The following LRRC4C variants were observed in gnomAD, a reference collection of about 807,000 sequenced individuals.
LRRC4C encodes leucine rich repeat containing 4C.
Under a neutral mutation model 33.6 loss-of-function variants are expected in LRRC4C, and 5 were observed. The ratio of observed to expected loss-of-function variants is 0.15; its 90% confidence interval spans 0.08 to 0.31. The LOEUF is 0.31. Among genes scored for constraint, LRRC4C ranks in the 10% least tolerant of loss-of-function variants. The probability of loss-of-function intolerance (pLI) is 1.00; values close to 1 mark genes in which losing one functional copy is unlikely to be tolerated. For synonymous variants in LRRC4C, 329 were observed against 302.0 expected (o/e 1.09, Z -0.93); for missense variants, 560 against 796.7 (o/e 0.70, Z 3.58).
intron 5 of LRRC4C, among the ~76,000 whole-genome samples, chr11:40,155,856 C>G (rs111309277): frequency 0.011 from 1,629 of 152,212 alleles, 21 homozygotes; most frequent in African/African-American, 0.037. Flanking sequence ...TTCTATGAAG[C>G]CAGCATCACC....
intron 1 of LRRC4C, among the ~76,000 whole-genome samples, chr11:40,989,078 T>C (rs1853311714): frequency 6.6e-6 from 1 of 152,134 alleles, no homozygotes; most frequent in African/African-American, 2.4e-5. Context: ...TTTGAACATA[T>C]CACTCTTTTC....
intron 5 of LRRC4C, among the ~76,000 whole-genome samples, chr11:40,144,377 AC>A (rs1196863057): frequency 6.6e-6 from 1 of 152,182 alleles, no homozygotes; most frequent in Non-Finnish European, 1.5e-5. Context: ...CGAAACACTT[AC>A]AAATGGCTAA....
chr11:40,938,521 C>A (rs1958008066), intron 1 of LRRC4C, among the ~76,000 whole-genome samples: 1 of 152,052 alleles, frequency 6.6e-6, no homozygotes. Flanking sequence ...CATTATGTGG[C>A]ATATTTTGAT....
chr11:41,380,472 T>C (rs1953101414), intron 1 of LRRC4C, among the ~76,000 whole-genome samples: 1 of 152,056 alleles, frequency 6.6e-6, no homozygotes, highest in African/African-American at 2.4e-5. Flanking sequence ...ACTCAAAGGA[T>C]TGAGAAAGTA....
At chr11:41,162,575 G>A (rs996703351) in intron 1 of LRRC4C, among the ~76,000 whole-genome samples, 1 of 152,116 alleles carries the variant, frequency 6.6e-6, no homozygotes, top group African/African-American at 2.4e-5. Flanking sequence ...TTGCTCCTTA[G>A]GCTACAAACC....
At chr11:40,269,122 T>C (rs1237631042) in intron 4 of LRRC4C, among the ~76,000 whole-genome samples, 2 of 152,188 alleles carry the variant, frequency 1.3e-5, no homozygotes, top group African/African-American at 4.8e-5. Context: ...GTTGCTATTT[T>C]AGAGCATTTT....
chr11:40,757,599 G>GT (rs5791402), intron 2 of LRRC4C, among the ~76,000 whole-genome samples: 97,535 of 142,730 alleles, frequency 0.68, 33,857 homozygotes, highest in African/African-American at 0.78. Context: ...CAAACTTTGA[G>GT]TTTTTTTTTT....
chr11:40,648,772 G>A (rs964407286), intron 2 of LRRC4C, among the ~76,000 whole-genome samples: 5 of 152,046 alleles, frequency 3.3e-5, no homozygotes, highest in African/African-American at 7.2e-5. Context: ...AATTGTAATC[G>A]GGAGAACCCA....
intron 3 of LRRC4C, among the ~76,000 whole-genome samples, chr11:40,418,850 T>A (rs1950422590): frequency 6.6e-6 from 1 of 152,200 alleles, no homozygotes. Flanking sequence ...GAAGCCATTA[T>A]CTTCAGCAAA....
At chr11:40,344,518 C>T (rs1475668250) in intron 3 of LRRC4C, among the ~76,000 whole-genome samples, 1 of 152,004 alleles carries the variant, frequency 6.6e-6, no homozygotes, top group Non-Finnish European at 1.5e-5. Flanking sequence ...ATAATAAGAG[C>T]CCTCTATGAT....
At chr11:40,752,404 A>G (rs1022368634) in intron 2 of LRRC4C, among the ~76,000 whole-genome samples, 2 of 152,088 alleles carry the variant, frequency 1.3e-5, no homozygotes, top group Non-Finnish European at 2.9e-5. Flanking sequence ...ATGCAACAAT[A>G]TATAAACAAA....
intron 2 of LRRC4C, among the ~76,000 whole-genome samples, chr11:40,924,609 T>G (rs1459847088): frequency 6.6e-6 from 1 of 152,086 alleles, no homozygotes; most frequent in Non-Finnish European, 1.5e-5. Context: ...GTAAATAATT[T>G]GCCATGTACC....
At chr11:41,024,587 A>T (rs1170732352) in intron 1 of LRRC4C, among the ~76,000 whole-genome samples, 1 of 151,726 alleles carries the variant, frequency 6.6e-6, no homozygotes, top group Admixed American at 6.6e-5. Context: ...AAATGCTCAA[A>T]TTCACACCTC....
chr11:40,152,004 GCAC>G (rs938078633), intron 5 of LRRC4C, among the ~76,000 whole-genome samples: 2 of 152,182 alleles, frequency 1.3e-5, no homozygotes, highest in Non-Finnish European at 2.9e-5. Context: ...CCAGAGGCTT[GCAC>G]TGTGAATTTT....
intron 3 of LRRC4C, among the ~76,000 whole-genome samples, chr11:40,593,251 G>A (rs969799853): frequency 6.6e-6 from 1 of 152,184 alleles, no homozygotes; most frequent in Non-Finnish European, 1.5e-5. Context: ...CCATTCTTAA[G>A]TGCTACCTTG....
At chr11:40,809,961 G>A (rs1166806891) in intron 2 of LRRC4C, among the ~76,000 whole-genome samples, 1 of 152,114 alleles carries the variant, frequency 6.6e-6, no homozygotes, top group Non-Finnish European at 1.5e-5. Flanking sequence ...TCAAAATAGA[G>A]GCATAAATTA....
intron 1 of LRRC4C, among the ~76,000 whole-genome samples, chr11:41,365,607 T>C (rs1952506445): frequency 6.6e-6 from 1 of 152,132 alleles, no homozygotes; most frequent in African/African-American, 2.4e-5. Context: ...TATAATCTTG[T>C]TCAAAATAGC....
chr11:40,276,551 T>C (rs2136397326), intron 4 of LRRC4C, among the ~76,000 whole-genome samples: 1 of 152,232 alleles, frequency 6.6e-6, no homozygotes, highest in Admixed American at 6.5e-5. Context: ...ATTGCCTCAA[T>C]ATGCATTTCT....
intron 3 of LRRC4C, among the ~76,000 whole-genome samples, chr11:40,415,061 G>A (rs1950277010): frequency 6.6e-6 from 1 of 152,158 alleles, no homozygotes; most frequent in South Asian, 2.1e-4. Context: ...TATTCCATCT[G>A]TTGCTTCATA....
Sources: allele counts gnomAD v4.1 joint callset (sites outside exome capture counted in the v4.1 genomes callset), GRCh38; gene constraint gnomAD v4.1.1; transcripts MANE v1.5; gene names NCBI Gene and HGNC (gene_info 2026-07-23, HGNC 2026-07-21).